CHIC2: variants seen among roughly 807,000 people sequenced by gnomAD.
CHIC2 encodes the protein cysteine-rich hydrophobic domain-containing protein 2.
Under a neutral mutation model 25.9 loss-of-function variants are expected in CHIC2, and 14 were observed. That is an observed-to-expected ratio of 0.54 (90% CI 0.36 to 0.85). CHIC2 has a LOEUF of 0.85. CHIC2 is among the 40% of genes least tolerant of loss of function. The probability of loss-of-function intolerance (pLI) is 0.01; values close to 1 mark genes in which losing one functional copy is unlikely to be tolerated. For synonymous variants in CHIC2, 70 were observed against 72.0 expected (o/e 0.97, Z 0.14); for missense variants, 146 against 202.0 (o/e 0.72, Z 1.68).
At chr4:54,021,283 A>T (rs1191209165) in intron 3 of CHIC2, among the ~76,000 whole-genome samples, 1 of 152,150 alleles carries the variant, frequency 6.6e-6, no homozygotes, top group Middle Eastern at 3.2e-3. Context: ...GGTGCCTGAC[A>T]TCCAGGCATT....
chr4:54,015,142 T>C (rs1283440606), intron 3 of CHIC2, among the ~76,000 whole-genome samples: 1 of 152,154 alleles, frequency 6.6e-6, no homozygotes, highest in Non-Finnish European at 1.5e-5. Context: ...CATTACCTTT[T>C]AGCATATTAA....
At chr4:54,080,150 G>T in the CHIC2 span, among the ~76,000 whole-genome samples, 1 of 145,618 alleles carries the variant, frequency 6.9e-6, no homozygotes, top group African/African-American at 2.5e-5. Context: ...GTATATATGT[G>T]TATATGTATG....
At chr4:54,031,240 C>T (rs1358163643) in intron 3 of CHIC2, among the ~76,000 whole-genome samples, 1 of 150,838 alleles carries the variant, frequency 6.6e-6, no homozygotes, top group Non-Finnish European at 1.5e-5. Flanking sequence ...CACCCAGCTT[C>T]AAACATTGGT....
chr4:54,032,718 T>C (rs1012291382), intron 3 of CHIC2, among the ~76,000 whole-genome samples: 2 of 152,156 alleles, frequency 1.3e-5, no homozygotes, highest in African/African-American at 4.8e-5. Flanking sequence ...AGTCAATCCA[T>C]AGAAATGCAT....
the CHIC2 span, among the ~76,000 whole-genome samples, chr4:54,076,388 C>T: frequency 1.3e-5 from 2 of 152,174 alleles, no homozygotes; most frequent in African/African-American, 4.8e-5. Context: ...AAGACTTCTG[C>T]TGTAGGTAAA....
chr4:54,033,302 T>C (rs1250095007), intron 3 of CHIC2, among the ~76,000 whole-genome samples: 1 of 152,256 alleles, frequency 6.6e-6, no homozygotes, highest in African/African-American at 2.4e-5. Flanking sequence ...TGGTTAGTGA[T>C]GTTGAGCATC....
the CHIC2 span, chr4:54,087,429 G>A: frequency 1.7e-6 from 1 of 605,594 alleles, no homozygotes; most frequent in Non-Finnish European, 2.8e-6. Flanking sequence ...ACATCGCAGG[G>A]AAACGTCGAT....
chr4:54,019,299 T>A (rs755141428), intron 3 of CHIC2, among the ~76,000 whole-genome samples: 11 of 152,166 alleles, frequency 7.2e-5, no homozygotes, highest in Non-Finnish European at 1.6e-4. Flanking sequence ...ATTCCTTTCC[T>A]GTACATTAAA....
intron 3 of CHIC2, among the ~76,000 whole-genome samples, chr4:54,037,560 T>C (rs1412675221): frequency 6.6e-6 from 1 of 152,132 alleles, no homozygotes; most frequent in Non-Finnish European, 1.5e-5. Context: ...TAATATACTT[T>C]AAGTATGTGT....
At chr4:54,031,258 C>A (rs1716219463) in intron 3 of CHIC2, among the ~76,000 whole-genome samples, 1 of 151,524 alleles carries the variant, frequency 6.6e-6, no homozygotes, top group African/African-American at 2.4e-5. Context: ...GGTTTACTAT[C>A]CTTTATACTG....
chr4:54,087,781 CT>C, the CHIC2 span: 1 of 450,418 alleles, frequency 2.2e-6, no homozygotes, highest in Non-Finnish European at 4.1e-6. Context: ...CCACAAAGCC[CT>C]GTGCTGGTCT....
At position 54,064,392 on chromosome 4, in the gene CHIC2, T is replaced by A; in HGVS notation, c.-92A>T. ...GCGAGGCGGCGGAGGCTGAGGGGAG[T>A]CGCCGCTGCCGCCGGCTCCGAGGCC... On this transcript the variant is annotated 5_prime_UTR_variant, in exon 1 of 6. Transcript: ENST00000263921. The surrounding 1 kb of genome is among the most constrained non-coding windows in gnomAD (Gnocchi z 4.2). 6.4e-7 allele frequency: 1 copy of A among 1,555,532 alleles called. No individual in the cohort carries two copies. The highest frequency in any genetic ancestry group is 8.7e-7 in the Non-Finnish European group (1 of 1,154,048).
chr4:54,051,502 T>A (rs1312724878), intron 1 of CHIC2, among the ~76,000 whole-genome samples: 2 of 152,144 alleles, frequency 1.3e-5, no homozygotes, highest in Non-Finnish European at 2.9e-5. Context: ...CTTTAGGTAC[T>A]CCACTTTATC....
Position 54,009,985 on chromosome 4 carries a change from A to T in CHIC2, c.*110T>A. 3.1e-6 allele frequency: 2 copies of T among 647,176 alleles called. No homozygotes were observed. Among genetic ancestry groups the T allele is most frequent in the Middle Eastern group, 5.2e-4 (2 of 3,854 alleles). The allele number at this position is 647,176 out of a possible 1,614,324, so 40.1% of individuals were successfully genotyped here. ...AAAAACAAAAACAAAAACAAAAAAAACACCACACGATTCTGTAGAACCAAT... is the reference window on the plus strand; with the variant it reads ...AAAAACAAAAACAAAAACAAAAAAATCACCACACGATTCTGTAGAACCAAT... On this transcript the variant is annotated 3_prime_UTR_variant, in exon 6 of 6. Coordinates refer to ENST00000263921, the MANE Select transcript of CHIC2 (RefSeq NM_012110.4).
At chr4:54,083,022 T>TC in the CHIC2 span, among the ~76,000 whole-genome samples, 3 of 127,892 alleles carry the variant, frequency 2.3e-5, no homozygotes, top group Non-Finnish European at 5.0e-5. Context: ...TTCTTTCTTT[T>TC]TTTTTTTTTT....
In CHIC2 at chr4:54,048,972, T is replaced by A. The variant is rs746568688; in HGVS notation, c.313A>T (p.Ile105Phe). ...CAACTTACTCTTTTACTGAGGCAAA[T>A]AACTGGCCACATACTGCAACCTAAT... ...CTLGCSMWPV[I>F]CLSKRTRRSI... The change falls in exon 3 of 6, where the codon ATT becomes TTT. Residue 105 changes from isoleucine to phenylalanine, a missense_variant. Ile to Phe is a conservative substitution (Grantham distance 21). Transcript: ENST00000263921. 6.4e-7 allele frequency: 1 copy of A among 1,573,090 alleles called. No individual in the cohort carries two copies. Among genetic ancestry groups the A allele is most frequent in the Non-Finnish European group, 8.6e-7 (1 of 1,158,554 alleles).
chr4:54,087,592 G>A, the CHIC2 span: 5 of 787,196 alleles, frequency 6.4e-6, no homozygotes, highest in Non-Finnish European at 9.4e-6. Context: ...AGGTTTAAGG[G>A]GCACACACCT....
At chr4:54,057,623 G>C (rs887577001) in intron 1 of CHIC2, among the ~76,000 whole-genome samples, 2 of 152,086 alleles carry the variant, frequency 1.3e-5, no homozygotes, top group African/African-American at 4.8e-5. Context: ...ACTCCATGAG[G>C]GCAGAAACTA....
chr4:54,081,259 G>C, the CHIC2 span, among the ~76,000 whole-genome samples: 1 of 151,648 alleles, frequency 6.6e-6, no homozygotes, highest in East Asian at 1.9e-4. Flanking sequence ...CAAGTAGCTA[G>C]GACTACAGGC....
Sources: gnomAD v4.1 joint callset for allele counts (sites outside exome capture counted in the v4.1 genomes callset) on GRCh38, gnomAD v4.1.1 for gene constraint, Gnocchi (gnomAD v3.1) non-coding constraint, MANE v1.5 for transcripts, NCBI Gene and HGNC (gene_info 2026-07-23, HGNC 2026-07-21) for gene names.